EIF4G3: variants seen among roughly 807,000 people sequenced by gnomAD.
EIF4G3 encodes eIF-4-gamma 3.
Under a neutral mutation model 186.4 loss-of-function variants are expected in EIF4G3, and 34 were observed. That is an observed-to-expected ratio of 0.18 (90% confidence interval 0.14 to 0.24). The LOEUF is 0.24. Among genes scored for constraint, EIF4G3 ranks in the 10% least tolerant of loss-of-function variants. EIF4G3 has a pLI of 1.00. For missense variants in EIF4G3, 1,536 were observed against 1,948.5 expected (o/e 0.79, Z 3.99); for synonymous variants, 673 against 679.5 (o/e 0.99, Z 0.15).
intron 2 of EIF4G3, among the ~76,000 whole-genome samples, chr1:21,132,238 T>C (rs530143257): frequency 6.6e-6 from 1 of 152,236 alleles, no homozygotes; most frequent in African/African-American, 2.4e-5. Context: ...AATAAAAATT[T>C]ATCATTTTCT....
intron 12 of EIF4G3, among the ~76,000 whole-genome samples, chr1:20,968,341 A>T (rs2075152789): frequency 6.6e-6 from 1 of 152,030 alleles, no homozygotes. Flanking sequence ...GACCACGCCC[A>T]GCTAATTTTT....
At chr1:21,166,543 T>C (rs910965194) in intron 2 of EIF4G3, among the ~76,000 whole-genome samples, 1 of 152,042 alleles carries the variant, frequency 6.6e-6, no homozygotes, top group Non-Finnish European at 1.5e-5. Flanking sequence ...TGGCCTATTA[T>C]GGTGAAACCC....
chr1:20,865,086 C>CA, intron 21 of EIF4G3, 30 bp downstream of exon 21: 1 of 1,612,990 alleles, frequency 6.2e-7, no homozygotes, highest in Non-Finnish European at 8.5e-7. Flanking sequence ...TCAAAGTGTA[C>CA]AAGCACTGTC....
At chr1:21,088,847 AC>A (rs2096081032) in intron 3 of EIF4G3, among the ~76,000 whole-genome samples, 1 of 152,150 alleles carries the variant, frequency 6.6e-6, no homozygotes, top group Admixed American at 6.6e-5. Flanking sequence ...CCTGGGTGAC[AC>A]AGTGAAACTC....
At chr1:20,982,244 T>C (rs954200629) in intron 8 of EIF4G3, 144 bp downstream of exon 8, 1 of 633,818 alleles carries the variant, frequency 1.6e-6, no homozygotes, top group East Asian at 3.3e-5. Flanking sequence ...AGTTATAATT[T>C]TCACTGCAAG....
chr1:20,902,360 C>T (rs2090633566), intron 15 of EIF4G3, among the ~76,000 whole-genome samples: 1 of 152,190 alleles, frequency 6.6e-6, no homozygotes, highest in African/African-American at 2.4e-5. Context: ...CCATGCCCAG[C>T]CTCTAGACTA....
At chr1:20,934,521 C>T (rs1213891920) in intron 14 of EIF4G3, among the ~76,000 whole-genome samples, 1 of 151,962 alleles carries the variant, frequency 6.6e-6, no homozygotes, top group African/African-American at 2.4e-5. Flanking sequence ...AAAGGCGTAC[C>T]CAGTGTCCTC....
intron 2 of EIF4G3, among the ~76,000 whole-genome samples, chr1:21,117,270 T>C (rs2096840977): frequency 1.3e-5 from 2 of 152,062 alleles, no homozygotes; most frequent in Non-Finnish European, 2.9e-5. Context: ...CAAAATCACC[T>C]GGCACTGGTA....
At chr1:21,050,061 A>C (rs2094124398) in intron 4 of EIF4G3, among the ~76,000 whole-genome samples, 1 of 152,200 alleles carries the variant, frequency 6.6e-6, no homozygotes, top group African/African-American at 2.4e-5. Context: ...AATCACAAAT[A>C]ATGTTATAAA....
intron 19 of EIF4G3, among the ~76,000 whole-genome samples, chr1:20,881,989 C>A (rs1478629289): frequency 6.6e-6 from 1 of 151,552 alleles, no homozygotes; most frequent in African/African-American, 2.4e-5. Context: ...CATGGCGAAA[C>A]CCCATCACTA....
At chr1:20,869,498 G>A (rs144916885) in intron 20 of EIF4G3, among the ~76,000 whole-genome samples, 10 of 151,782 alleles carry the variant, frequency 6.6e-5, no homozygotes, top group African/African-American at 1.4e-4. Context: ...TAAATAGGCC[G>A]GGTGCAGTGG....
intron 9 of EIF4G3, 47 bp from the exon 10 acceptor site, chr1:20,980,495 G>A (rs754044481): frequency 3.7e-5 from 48 of 1,293,882 alleles, no homozygotes; most frequent in Non-Finnish European, 4.9e-5. Context: ...TGGTATCTGG[G>A]GGCGAAAAAC....
At chr1:21,108,646 GTAATC>G (rs2096659506) in intron 2 of EIF4G3, among the ~76,000 whole-genome samples, 1 of 143,244 alleles carries the variant, frequency 7.0e-6, no homozygotes, top group African/African-American at 2.6e-5. Flanking sequence ...GCTGACACCT[GTAATC>G]CCAGCACTTC....
chr1:21,135,037 T>C (rs2097214496), intron 2 of EIF4G3, among the ~76,000 whole-genome samples: 2 of 152,216 alleles, frequency 1.3e-5, no homozygotes, highest in South Asian at 2.1e-4. Context: ...ATGTTACTAT[T>C]ATAGATTCTA....
chr1:20,851,924 A>G (rs2073405921), intron 27 of EIF4G3, among the ~76,000 whole-genome samples: 1 of 152,220 alleles, frequency 6.6e-6, no homozygotes, highest in Admixed American at 6.5e-5. Flanking sequence ...AGGCTGAGGC[A>G]TGAGACTGGC....
In EIF4G3 at chr1:20,933,594, T is replaced by G. The variant is rs12069648; in HGVS notation, c.1663+7897A>C. On this transcript the variant is annotated intron_variant, in intron 14 of 36. Coordinates refer to ENST00000602326, the MANE Select transcript of EIF4G3 (RefSeq NM_001391906.1). ...CACTTGAACCTGGGAGGCGGAAGGT[T>G]GCAGTGAGCTGAGATCACACCACCG... Among the ~76,000 whole-genome samples, 586 of 152,050 alleles carry G rather than the reference T, an allele frequency of 3.9e-3. 5 individuals are homozygous for G. The highest frequency in any genetic ancestry group is 0.014 in the African/African-American group (563 of 41,462).
At chr1:20,861,584 A>AGATGAGC (rs1187808181) in intron 23 of EIF4G3, among the ~76,000 whole-genome samples, 1 of 152,238 alleles carries the variant, frequency 6.6e-6, no homozygotes, top group Non-Finnish European at 1.5e-5. Context: ...AAAGGTATTT[A>AGATGAGC]CTGTGGAGAT....
chr1:20,914,245 T>C (rs1238013746), intron 14 of EIF4G3, among the ~76,000 whole-genome samples: 1 of 152,140 alleles, frequency 6.6e-6, no homozygotes, highest in Non-Finnish European at 1.5e-5. Flanking sequence ...TGTGAATACG[T>C]AGCCCTACCT....
At chr1:21,050,755 A>C in intron 4 of EIF4G3, 111 bp downstream of exon 4, 1 of 605,834 alleles carries the variant, frequency 1.7e-6, no homozygotes, top group Non-Finnish European at 2.9e-6. Flanking sequence ...ACAAACTTGA[A>C]ATTACTATAC....
Sources: gnomAD v4.1 joint callset for allele counts (sites outside exome capture counted in the v4.1 genomes callset) on GRCh38, gnomAD v4.1.1 for gene constraint, MANE v1.5 for transcripts, NCBI Gene and HGNC (gene_info 2026-07-23, HGNC 2026-07-21) for gene names.